Variants in NRCAM observed in about 807,000 individuals in gnomAD.
NRCAM encodes neuronal cell adhesion molecule, also known as NgCAM-related cell adhesion molecule.
NRCAM carries 83 observed loss-of-function variants against 156.5 expected under a neutral mutation model. The ratio of observed to expected loss-of-function variants is 0.53; its 90% CI spans 0.44 to 0.64. NRCAM has a LOEUF of 0.64. Ranked by LOEUF, NRCAM falls within the 30% of genes least tolerant of loss-of-function variation. The pLI is 0.00. For missense variants in NRCAM, 1,417 were observed against 1,597.3 expected, an observed-to-expected ratio of 0.89 and a Z score of 1.92; for synonymous variants, 538 against 563.9, an observed-to-expected ratio of 0.95 and a Z score of 0.65.
chr7:108,421,236 G>A (rs1241505216), intron 1 of NRCAM, among the ~76,000 whole-genome samples: 1 of 152,152 alleles, frequency 6.6e-6, no homozygotes, highest in East Asian at 1.9e-4. Flanking sequence ...TAGATGGAGT[G>A]GAATAGGCTG....
intron 1 of NRCAM, among the ~76,000 whole-genome samples, chr7:108,428,285 A>T (rs2300049): frequency 0.33 from 50,098 of 152,160 alleles, 8,857 homozygotes; most frequent in East Asian, 0.5. Flanking sequence ...AACAGCTAGC[A>T]TGGTGAAAAA....
At chr7:108,413,272 T>C (rs567331970) in intron 1 of NRCAM, among the ~76,000 whole-genome samples, 61 of 152,348 alleles carry the variant, frequency 4.0e-4, no homozygotes, top group African/African-American at 1.4e-3. Context: ...TACATTTCCC[T>C]GATGATTAGT....
chr7:108,267,769 C>T (rs76609123), intron 3 of NRCAM, among the ~76,000 whole-genome samples: 3,050 of 152,294 alleles, frequency 0.02, 58 homozygotes, highest in African/African-American at 0.051. Context: ...CCTCTTTCTA[C>T]AAATTGTTAA....
intron 2 of NRCAM, among the ~76,000 whole-genome samples, chr7:108,331,765 T>C (rs1184302136): frequency 6.6e-6 from 1 of 152,240 alleles, no homozygotes; most frequent in Non-Finnish European, 1.5e-5. Flanking sequence ...GCTACTCGTT[T>C]ACCTTCATGA....
chr7:108,391,642 A>C (rs1463693599), intron 2 of NRCAM, among the ~76,000 whole-genome samples: 1 of 152,108 alleles, frequency 6.6e-6, no homozygotes, highest in Non-Finnish European at 1.5e-5. Context: ...TATTTTGCTC[A>C]TTAGTTGATG....
At chr7:108,195,154 TC>T (rs1420761290) in intron 15 of NRCAM, among the ~76,000 whole-genome samples, 1 of 151,982 alleles carries the variant, frequency 6.6e-6, no homozygotes, top group East Asian at 1.9e-4. Flanking sequence ...ACTCACAAAA[TC>T]CCAGGGGATG....
intron 13 of NRCAM, among the ~76,000 whole-genome samples, chr7:108,205,549 T>A (rs769595713): frequency 6.6e-6 from 1 of 152,162 alleles, no homozygotes; most frequent in Non-Finnish European, 1.5e-5. Flanking sequence ...AGCTTCCCCA[T>A]TTTCCCTGCT....
intron 1 of NRCAM, among the ~76,000 whole-genome samples, chr7:108,403,534 GTTGA>G (rs2099798884): frequency 6.6e-6 from 1 of 152,158 alleles, no homozygotes; most frequent in African/African-American, 2.4e-5. Flanking sequence ...AATACTCTAA[GTTGA>G]TTGCCAATTA....
chr7:108,390,187 C>A (rs1596131011), intron 2 of NRCAM, among the ~76,000 whole-genome samples: 1 of 152,016 alleles, frequency 6.6e-6, no homozygotes, highest in African/African-American at 2.4e-5. Context: ...TGGTCCTGGA[C>A]TTTTTTTGGT....
intron 11 of NRCAM, among the ~76,000 whole-genome samples, chr7:108,217,898 G>C (rs992006811): frequency 2.6e-5 from 4 of 152,150 alleles, no homozygotes; most frequent in Admixed American, 2.6e-4. Context: ...TTGGCTCCCT[G>C]GCTTCAGCTC....
chr7:108,403,635 C>T (rs2099799187), intron 1 of NRCAM, among the ~76,000 whole-genome samples: 1 of 152,176 alleles, frequency 6.6e-6, no homozygotes, highest in African/African-American at 2.4e-5. Context: ...TCGTTAGAGA[C>T]TGCAAAACCC....
chr7:108,359,025 A>G lies in NRCAM; in HGVS notation c.-174+40411T>C, dbSNP rs114507579. 5.8e-3 allele frequency among the ~76,000 whole-genome samples: 881 copies of G among 152,300 alleles called. 5 individuals carry two copies. Among genetic ancestry groups the G allele is most frequent in the African/African-American group, 0.02 (832 of 41,560 alleles). The stretch of plus-strand genomic sequence containing the variant: ...ACCAGAGTTATACTCACCTCCTACC[A>G]TATTTTGTCTAGTTCATTACACCTT... On this transcript the variant is annotated intron_variant, in intron 2 of 32. Transcript: ENST00000379028.
At chr7:108,452,620 C>A (rs67027479) in intron 1 of NRCAM, among the ~76,000 whole-genome samples, 37,766 of 152,124 alleles carry the variant, frequency 0.25, 5,011 homozygotes, top group Non-Finnish European at 0.29. Flanking sequence ...AAGGGAAAAG[C>A]ATATCTAAAT....
At chr7:108,323,316 C>A (rs1223423402) in intron 2 of NRCAM, among the ~76,000 whole-genome samples, 1 of 152,120 alleles carries the variant, frequency 6.6e-6, no homozygotes, top group South Asian at 2.1e-4. Context: ...TTTCTATTTC[C>A]ACCATTCCAT....
rs781404504 is a variant in NRCAM, at chr7:108,181,813, T to C, written c.2646+9A>G. On this transcript the variant is annotated intron_variant, in intron 24 of 32. Transcript: ENST00000379028. The stretch of plus-strand genomic sequence containing the variant: ...TAAATAAAGCCACAAAAGGTCCCCT[T>C]TCACTTGCCCGATAGCCTTGTAGGT... The C allele has an allele frequency of 4.4e-6, 7 of 1,605,722 alleles. No homozygotes were observed. The highest frequency in any genetic ancestry group is 4.3e-6 in the Non-Finnish European group (5 of 1,172,716).
At chr7:108,152,441 G>A (rs2042226728) in intron 32 of NRCAM, among the ~76,000 whole-genome samples, 1 of 152,002 alleles carries the variant, frequency 6.6e-6, no homozygotes, top group Non-Finnish European at 1.5e-5. Context: ...AGAGAGAAAA[G>A]TAGGAGTTAA....
At chr7:108,370,839 C>A (rs1295125457) in intron 2 of NRCAM, among the ~76,000 whole-genome samples, 3 of 152,076 alleles carry the variant, frequency 2.0e-5, no homozygotes, top group Non-Finnish European at 4.4e-5. Context: ...TCTTTCATAA[C>A]TGCTTCTTCA....
intron 2 of NRCAM, among the ~76,000 whole-genome samples, chr7:108,396,973 A>C (rs2099778506): frequency 6.6e-6 from 1 of 152,234 alleles, no homozygotes; most frequent in African/African-American, 2.4e-5. Context: ...CTCAAGTATT[A>C]AAAGAGAATC....
chr7:108,182,707 A>T lies in NRCAM; in HGVS notation c.2518T>A (p.Ser840Thr). The change falls in exon 23 of 33, where the codon TCT (serine) becomes ACT (threonine). Residue 840 changes from serine (S) to threonine (T), a missense_variant. Physicochemically the swap from Ser to Thr is moderately conservative, Grantham distance 58. Around this residue, in one of 2 missense-constraint regions of NRCAM, gnomAD observed 1,238 missense variants for 1,336.4 expected, o/e 0.93. Transcript: ENST00000379028. Reference sequence around the variant, plus strand: ...TGGCATCACTTACGGTCTTCTCCAGAATGTCCCATGACTACAGCTGGCTCG... The same window carrying T: ...TGGCATCACTTACGGTCTTCTCCAGTATGTCCCATGACTACAGCTGGCTCG... ...APEPAVVMGH[S>T]GEDLPMVAPG... 1 of 1,614,148 alleles carries T rather than the reference A, an allele frequency of 6.2e-7. No individual in the cohort carries two copies. Among genetic ancestry groups the T allele is most frequent in the South Asian group, 1.1e-5 (1 of 91,084 alleles).
Sources: allele counts gnomAD v4.1 joint callset (sites outside exome capture counted in the v4.1 genomes callset), GRCh38; gene constraint gnomAD v4.1.1; regional missense constraint gnomAD v4.1.1; transcripts MANE v1.5; gene names NCBI Gene and HGNC (gene_info 2026-07-23, HGNC 2026-07-21).